Variants in NCAPD3 observed in about 807,000 individuals in gnomAD.
NCAPD3 encodes condensin-2 complex subunit D3.
Under a neutral mutation model 182.9 loss-of-function variants are expected in NCAPD3, and 105 were observed. That is an observed-to-expected ratio of 0.57 (90% CI 0.49 to 0.68). NCAPD3 has a LOEUF of 0.68. Ranked by LOEUF, NCAPD3 falls within the 30% of genes least tolerant of loss-of-function variation. The pLI is 0.00. For missense variants in NCAPD3, 1,944 were observed against 1,837.0 expected, an observed-to-expected ratio of 1.06 and a Z score of -1.07; for synonymous variants, 815 against 679.9, an observed-to-expected ratio of 1.20 and a Z score of -3.09.
chr11:134,202,458 G>T (rs1346477793), intron 13 of NCAPD3, among the ~76,000 whole-genome samples: 2 of 152,154 alleles, frequency 1.3e-5, no homozygotes, highest in Non-Finnish European at 2.9e-5. Flanking sequence ...GCTCACTGTA[G>T]CCTGGAACTC....
chr11:134,169,260 C>T (rs1326074267), intron 24 of NCAPD3, among the ~76,000 whole-genome samples: 1 of 152,162 alleles, frequency 6.6e-6, no homozygotes, highest in African/African-American at 2.4e-5. Flanking sequence ...CCTTTCTAAT[C>T]CAAGGTAAGT....
chr11:134,160,194 A>C lies in NCAPD3; in HGVS notation c.3685-120T>G, dbSNP rs994945475. On this transcript the variant is annotated intron_variant, in intron 28 of 34. Coordinates refer to ENST00000534548, the MANE Select transcript of NCAPD3 (RefSeq NM_015261.3). ...TGCACATCCTGCACGTGTACCCCTGAACGCAAAATAAAAGTTAAGAAAGAA... is the reference window on the plus strand; with the variant it reads ...TGCACATCCTGCACGTGTACCCCTGCACGCAAAATAAAAGTTAAGAAAGAA... 1.1e-5 allele frequency: 11 copies of C among 973,314 alleles called. 1 individual carries two copies. The highest frequency in any genetic ancestry group is 1.6e-5 in the Non-Finnish European group (11 of 669,432). 60.3% of individuals were successfully genotyped at this position (973,314 alleles called of 1,614,324 possible). A position where few individuals can be genotyped will look rare whatever the true frequency, so the allele number is the denominator to read the frequency against.
Position 134,194,668 on chromosome 11 carries a change from C to T in NCAPD3, c.1686G>A (p.Leu562=). Residue 562 remains leucine, a synonymous_variant, in exon 14 of 35, where the codon CTG becomes CTA. Coordinates refer to ENST00000534548, the MANE Select transcript of NCAPD3 (RefSeq NM_015261.3). Reference sequence around the variant, plus strand: ...AATGTGCAGAGAAAACTCCCACCTGCAGTGCAGACTTCCTAACGTTGGTCT... The same window carrying T: ...AATGTGCAGAGAAAACTCCCACCTGTAGTGCAGACTTCCTAACGTTGGTCT... ...DEKTNVRKSA[L]QVLVSILKHC... 1 of 1,589,874 alleles carries T rather than the reference C, an allele frequency of 6.3e-7. No homozygotes were observed. The highest frequency in any genetic ancestry group is 1.2e-5 in the South Asian group (1 of 86,162).
intron 19 of NCAPD3, among the ~76,000 whole-genome samples, chr11:134,184,195 G>A (rs1944351606): frequency 6.6e-6 from 1 of 152,228 alleles, no homozygotes; most frequent in African/African-American, 2.4e-5. Context: ...TTTGAGTAGT[G>A]TAACCTCATA....
At chr11:134,197,522 C>G (rs1202460525) in intron 13 of NCAPD3, among the ~76,000 whole-genome samples, 1 of 152,162 alleles carries the variant, frequency 6.6e-6, no homozygotes, top group East Asian at 1.9e-4. Context: ...AGTAATCCAT[C>G]CGCCTTGGCC....
intron 25 of NCAPD3, 82 bp downstream of exon 25, chr11:134,168,835 T>C (rs949007672): frequency 2.0e-6 from 3 of 1,516,626 alleles, no homozygotes; most frequent in Non-Finnish European, 1.8e-6. Flanking sequence ...GTCCAATCAC[T>C]ACATGCAAAG....
At chr11:134,176,485 A>G (rs533116443) in intron 23 of NCAPD3, 99 bp from the exon 24 acceptor site, 8 of 955,626 alleles carry the variant, frequency 8.4e-6, no homozygotes, top group South Asian at 8.2e-5. Context: ...TGTCCCCGGC[A>G]CACTGGCTGA....
intron 27 of NCAPD3, among the ~76,000 whole-genome samples, chr11:134,163,222 A>G (rs1669476428): frequency 6.6e-6 from 1 of 152,186 alleles, no homozygotes; most frequent in South Asian, 2.1e-4. Context: ...GTGAAGTATA[A>G]CATATGTAAT....
At chr11:134,179,627 T>C (rs1565536280) in intron 20 of NCAPD3, among the ~76,000 whole-genome samples, 3 of 152,238 alleles carry the variant, frequency 2.0e-5, no homozygotes, top group South Asian at 2.1e-4. Flanking sequence ...GTAAAGAGTA[T>C]ATAAAGCTAT....
chr11:134,208,349 A>G (rs548231997), intron 7 of NCAPD3, among the ~76,000 whole-genome samples: 3 of 152,366 alleles, frequency 2.0e-5, no homozygotes, highest in African/African-American at 7.2e-5. Flanking sequence ...GGTAACCTGG[A>G]GGCAAAACCC....
rs934397991 is a variant in NCAPD3, at chr11:134,188,804, G to C, written c.2046-3278C>G. 2.0e-5 allele frequency among the ~76,000 whole-genome samples: 3 copies of C among 152,182 alleles called. No homozygotes were observed. The South Asian group carries it at 6.2e-4, about 31-fold the overall frequency. ...GCGGCTTTATTCTTGAAGTCAGCGAGACCAAGAACCCACCAGAAGGAATAA... is the reference window on the plus strand; with the variant it reads ...GCGGCTTTATTCTTGAAGTCAGCGACACCAAGAACCCACCAGAAGGAATAA... On this transcript the variant is annotated intron_variant, in intron 16 of 34. Coordinates refer to ENST00000534548, the MANE Select transcript of NCAPD3 (RefSeq NM_015261.3).
rs1301259110 is a variant in NCAPD3, at chr11:134,152,960, AGAGGGGTCTTTCG to A, written c.4468_4480del (p.Arg1490Ter). On this transcript the variant is annotated frameshift_variant, in exon 35 of 35. Coordinates refer to ENST00000534548, the MANE Select transcript of NCAPD3 (RefSeq NM_015261.3). LOFTEE classifies it high-confidence loss of function. ...AGGCGCTGTTTAGTTGGCTGTTTTCAGAGGGGTCTTTCGGAGGGACCTCCTGCTGCAGGCTGGA... is the reference window on the plus strand; with the variant it reads ...AGGCGCTGTTTAGTTGGCTGTTTTCAGAGGGACCTCCTGCTGCAGGCTGGA... The A allele has an allele frequency of 6.4e-7, 1 of 1,559,960 alleles. No individual in the cohort carries two copies.
intron 27 of NCAPD3, among the ~76,000 whole-genome samples, chr11:134,165,932 A>C (rs1362261705): frequency 4.0e-5 from 3 of 75,458 alleles, no homozygotes; most frequent in African/African-American, 5.5e-5. Flanking sequence ...TTGGGGGAGC[A>C]GCACACTCAC....
chr11:134,192,840 C>T lies in NCAPD3; in HGVS notation c.1894G>A (p.Glu632Lys), dbSNP rs765872521. 6 of 1,613,918 alleles carry T rather than the reference C, an allele frequency of 3.7e-6. No homozygotes were observed. Among genetic ancestry groups the T allele is most frequent in the East Asian group, 4.5e-5 (2 of 44,896 alleles). ...RGVVPVVMDC[E>K]STVQEKALEF... ...AGGGCCTTCTCCTGCACAGTGCTCT[C>T]GCAGTCCATCACCACCGGGACCACC... Residue 632 changes from glutamate (E) to lysine (K), a missense_variant, in exon 16 of 35, where the codon GAG (glutamate) becomes AAG (lysine). Around this residue, in one of 3 missense-constraint regions of NCAPD3, gnomAD observed 1,803 missense variants for 1,674.6 expected, o/e 1.08. Transcript: ENST00000534548.
At chr11:134,164,341 G>A (rs557070440) in intron 27 of NCAPD3, among the ~76,000 whole-genome samples, 10 of 152,368 alleles carry the variant, frequency 6.6e-5, no homozygotes, top group Admixed American at 5.2e-4. Context: ...GACAGAGTAA[G>A]TCAGAGACAC....
chr11:134,222,521 G>T (rs893292760), intron 1 of NCAPD3, among the ~76,000 whole-genome samples: 8 of 152,140 alleles, frequency 5.3e-5, no homozygotes, highest in African/African-American at 1.7e-4. Flanking sequence ...GGAAATACAG[G>T]ATTTTTGTGA....
chr11:134,164,572 C>T (rs752183162), intron 27 of NCAPD3, among the ~76,000 whole-genome samples: 1 of 151,998 alleles, frequency 6.6e-6, no homozygotes, highest in African/African-American at 2.4e-5. Flanking sequence ...CTTAGGGGAG[C>T]TGCACACTCA....
intron 32 of NCAPD3, among the ~76,000 whole-genome samples, chr11:134,154,213 C>T (rs1471925978): frequency 6.6e-6 from 1 of 152,190 alleles, no homozygotes; most frequent in Admixed American, 6.5e-5. Context: ...GAGATGTTAG[C>T]AGCCACTGTC....
intron 2 of NCAPD3, among the ~76,000 whole-genome samples, chr11:134,218,870 T>A (rs905181804): frequency 6.6e-6 from 1 of 152,204 alleles, no homozygotes; most frequent in Non-Finnish European, 1.5e-5. Context: ...TTTTCCCACT[T>A]CAGTCCACCT....
Sources: gnomAD v4.1 joint callset for allele counts (sites outside exome capture counted in the v4.1 genomes callset) on GRCh38, gnomAD v4.1.1 for gene constraint, gnomAD v4.1.1 regional missense constraint, MANE v1.5 for transcripts, NCBI Gene and HGNC (gene_info 2026-07-23, HGNC 2026-07-21) for gene names.